Variants in ITGBL1 observed in about 807,000 individuals in gnomAD.
ITGBL1 encodes integrin subunit beta like 1, also known as integrin beta-like protein 1.
A neutral mutation model predicts 68.5 loss-of-function variants in ITGBL1; 51 were observed. That is an observed-to-expected ratio of 0.74 (90% CI 0.59 to 0.94). The LOEUF is 0.94. Among genes scored for constraint, ITGBL1 ranks in the 40% least tolerant of loss-of-function variants. ITGBL1 has a pLI of 0.00. For synonymous variants in ITGBL1, 209 were observed against 227.3 expected (o/e 0.92, Z 0.72); for missense variants, 649 against 647.4 (o/e 1.00, Z -0.03).
chr13:101,554,330 G>A (rs1029819928), intron 2 of ITGBL1, among the ~76,000 whole-genome samples: 9 of 152,216 alleles, frequency 5.9e-5, no homozygotes, highest in Middle Eastern at 3.4e-3. Context: ...GATTTTCCCT[G>A]GAGTCAAGAC....
chr13:101,516,100 T>C (rs2139122583), intron 2 of ITGBL1, among the ~76,000 whole-genome samples: 1 of 152,262 alleles, frequency 6.6e-6, no homozygotes, highest in Admixed American at 6.5e-5. Context: ...TTATTGATTG[T>C]ACTTTTTCTT....
chr13:101,468,612 A>G (rs1321226781), intron 2 of ITGBL1, among the ~76,000 whole-genome samples: 1 of 152,204 alleles, frequency 6.6e-6, no homozygotes, highest in East Asian at 1.9e-4. Flanking sequence ...TGGAGTACTG[A>G]AAGAAAAACA....
At chr13:101,670,420 G>T (rs1315899739) in intron 7 of ITGBL1, among the ~76,000 whole-genome samples, 1 of 152,080 alleles carries the variant, frequency 6.6e-6, no homozygotes, top group Non-Finnish European at 1.5e-5. Context: ...CAAAAATTTT[G>T]TGTTTTATCA....
chr13:101,567,296 G>C (rs932733283), intron 2 of ITGBL1, among the ~76,000 whole-genome samples: 1 of 152,072 alleles, frequency 6.6e-6, no homozygotes, highest in Non-Finnish European at 1.5e-5. Context: ...TTTCATGTAA[G>C]AGTCTTTATT....
intron 2 of ITGBL1, among the ~76,000 whole-genome samples, chr13:101,494,654 TATAAA>T (rs1365442154): frequency 2.6e-5 from 4 of 152,116 alleles, no homozygotes; most frequent in Non-Finnish European, 5.9e-5. Flanking sequence ...TATCCAATAA[TATAAA>T]ATAAATGATA....
intron 2 of ITGBL1, among the ~76,000 whole-genome samples, chr13:101,534,196 G>A (rs766022485): frequency 3.3e-5 from 5 of 152,122 alleles, no homozygotes; most frequent in Non-Finnish European, 5.9e-5. Context: ...GACAGCAAAA[G>A]TTTGGAAGGG....
At chr13:101,561,050 T>C (rs2050091681) in intron 2 of ITGBL1, among the ~76,000 whole-genome samples, 1 of 152,160 alleles carries the variant, frequency 6.6e-6, no homozygotes, top group African/African-American at 2.4e-5. Context: ...GCCCCAAATC[T>C]GGAGATAGAT....
chr13:101,488,581 G>A (rs1329784433), intron 2 of ITGBL1, among the ~76,000 whole-genome samples: 2 of 152,120 alleles, frequency 1.3e-5, no homozygotes, highest in Non-Finnish European at 1.5e-5. Flanking sequence ...TTGTCTAAGC[G>A]GAAGAACAGA....
intron 9 of ITGBL1, among the ~76,000 whole-genome samples, chr13:101,708,736 C>T (rs2034318761): frequency 6.6e-6 from 1 of 152,222 alleles, no homozygotes; most frequent in Admixed American, 6.5e-5. Context: ...GATGTATTCA[C>T]TTCAATAGAT....
chr13:101,531,620 G>C (rs1200155818), intron 2 of ITGBL1, among the ~76,000 whole-genome samples: 1 of 136,632 alleles, frequency 7.3e-6, no homozygotes, highest in African/African-American at 2.8e-5. Context: ...GGGGGGAGGG[G>C]ATTTACTTTA....
chr13:101,590,695 C>T (rs991748681), intron 6 of ITGBL1, among the ~76,000 whole-genome samples: 4 of 152,050 alleles, frequency 2.6e-5, no homozygotes, highest in Non-Finnish European at 5.9e-5. Context: ...AGTTTCCTCA[C>T]AACAGATCTG....
At chr13:101,501,403 A>C (rs1181026716) in intron 2 of ITGBL1, among the ~76,000 whole-genome samples, 7 of 152,092 alleles carry the variant, frequency 4.6e-5, no homozygotes, top group African/African-American at 1.7e-4. Context: ...GCTCCCAGGA[A>C]CCCAGTGGAA....
In ITGBL1 at chr13:101,515,809, A is replaced by G. The variant is rs150926692; in HGVS notation, c.317-51890A>G. Among the ~76,000 whole-genome samples, 73 of 152,272 alleles carry G rather than the reference A, an allele frequency of 4.8e-4. 3 individuals carry two copies. Among genetic ancestry groups the G allele is most frequent in the South Asian group, 3.3e-3 (16 of 4,834 alleles). ...ATCAGATTGATCTTCTCTGCGATGT[A>G]CTTTAAAAATTACAATTCATTTATC... On this transcript the variant is annotated intron_variant, in intron 2 of 10. Transcript: ENST00000376180.
At chr13:101,543,192 G>A (rs901124507) in intron 2 of ITGBL1, among the ~76,000 whole-genome samples, 7 of 152,088 alleles carry the variant, frequency 4.6e-5, no homozygotes, top group South Asian at 2.1e-4. Context: ...GTGGTGGCTG[G>A]TACTGGTTTT....
At chr13:101,523,034 T>A (rs2049312269) in intron 2 of ITGBL1, among the ~76,000 whole-genome samples, 2 of 152,224 alleles carry the variant, frequency 1.3e-5, no homozygotes, top group Admixed American at 6.6e-5. Flanking sequence ...TTTTCTTTTA[T>A]GCAAGTTAAA....
intron 7 of ITGBL1, among the ~76,000 whole-genome samples, chr13:101,628,073 A>G (rs2031846734): frequency 6.7e-6 from 1 of 149,968 alleles, no homozygotes. Flanking sequence ...CAATGAATGA[A>G]AGTCTGTGTT....
intron 7 of ITGBL1, among the ~76,000 whole-genome samples, chr13:101,634,406 C>T (rs766919244): frequency 6.6e-6 from 1 of 151,984 alleles, no homozygotes; most frequent in Non-Finnish European, 1.5e-5. Context: ...AAAATGAAAG[C>T]TTCATAGGAG....
chr13:101,649,595 C>A (rs567197847), intron 7 of ITGBL1, among the ~76,000 whole-genome samples: 5 of 152,144 alleles, frequency 3.3e-5, no homozygotes, highest in African/African-American at 9.6e-5. Flanking sequence ...TTTTTCCAGT[C>A]CAATGAGGTA....
chr13:101,670,693 T>C (rs1381218266), intron 7 of ITGBL1, among the ~76,000 whole-genome samples: 4 of 152,190 alleles, frequency 2.6e-5, no homozygotes, highest in Non-Finnish European at 5.9e-5. Flanking sequence ...GACTTCAAAT[T>C]AACTTTGGGA....
Sources: allele counts gnomAD v4.1 joint callset (sites outside exome capture counted in the v4.1 genomes callset), GRCh38; gene constraint gnomAD v4.1.1; transcripts MANE v1.5; gene names NCBI Gene and HGNC (gene_info 2026-07-23, HGNC 2026-07-21).